The following MEGF10 variants were observed in gnomAD, a reference collection of about 807,000 sequenced individuals.
MEGF10 encodes the protein multiple epidermal growth factor-like domains protein 10.
MEGF10 carries 86 observed loss-of-function variants against 147.5 expected under a neutral mutation model. The ratio of observed to expected loss-of-function variants is 0.58; its 90% CI spans 0.49 to 0.70. The LOEUF is 0.70. Among genes scored for constraint, MEGF10 ranks in the 30% least tolerant of loss-of-function variants. The pLI, the probability that MEGF10 is intolerant of heterozygous loss-of-function variation, is 0.00. For missense variants in MEGF10, 1,329 were observed against 1,487.3 expected, an observed-to-expected ratio of 0.89 and a Z score of 1.75; for synonymous variants, 478 against 525.5, an observed-to-expected ratio of 0.91 and a Z score of 1.24.
At chr5:127,384,555 TA>T (rs1763364720) in intron 5 of MEGF10, among the ~76,000 whole-genome samples, 2 of 152,156 alleles carry the variant, frequency 1.3e-5, no homozygotes, top group African/African-American at 4.8e-5. Context: ...CAATAGAGAA[TA>T]AATATTTTAC....
intron 1 of MEGF10, among the ~76,000 whole-genome samples, chr5:127,308,560 G>A (rs1261326704): frequency 6.6e-6 from 1 of 152,168 alleles, no homozygotes; most frequent in Non-Finnish European, 1.5e-5. Context: ...CATGTCTTTT[G>A]TAGGGACATG....
chr5:127,434,772 C>T lies in MEGF10; in HGVS notation c.1926C>T (p.Thr642=), dbSNP rs142667981. 49 of 1,613,834 alleles carry T rather than the reference C, an allele frequency of 3.0e-5. No homozygotes were observed. The African/African-American group carries it at 3.5e-4, about 11-fold the overall frequency. ...GCAGCGGGCCCTGCCACCACATCAC[C>T]GGCCTGTGTGACTGCTTGCCTGGCT... The part of the protein sequence containing the change: ...VHSSGPCHHI[T]GLCDCLPGFT... Residue 642 remains threonine, a synonymous_variant, in exon 15 of 25, where the codon ACC becomes ACT. Transcript: ENST00000503335.
intron 17 of MEGF10, among the ~76,000 whole-genome samples, chr5:127,439,856 A>G (rs1765692068): frequency 6.6e-6 from 1 of 152,240 alleles, no homozygotes; most frequent in Non-Finnish European, 1.5e-5. Flanking sequence ...ATTAAACAAG[A>G]GAACGCATGA....
At chr5:127,240,258 CT>C in the MEGF10 span, among the ~76,000 whole-genome samples, 1 of 152,104 alleles carries the variant, frequency 6.6e-6, no homozygotes, top group Non-Finnish European at 1.5e-5. Context: ...TTATGAAATC[CT>C]TCCCTGGTCT....
At position 127,304,124 on chromosome 5, in the gene MEGF10, A is replaced by G. The variant is rs375954218; in HGVS notation, c.-19+13068A>G. Reference sequence around the variant, plus strand: ...CTTAATATGCTGTATGATTTTGGACATTGAACTTGTTGAATTAATTAGCAT... The same window carrying G: ...CTTAATATGCTGTATGATTTTGGACGTTGAACTTGTTGAATTAATTAGCAT... On this transcript the variant is annotated intron_variant, in intron 1 of 24. Coordinates refer to ENST00000503335, the MANE Select transcript of MEGF10 (RefSeq NM_001256545.2). 6.6e-5 allele frequency among the ~76,000 whole-genome samples: 10 copies of G among 152,338 alleles called. 1 individual carries two copies. Among genetic ancestry groups the G allele is most frequent in the Admixed American group, 4.6e-4 (7 of 15,304 alleles).
chr5:127,290,407 C>T (rs144701115), upstream of MEGF10, among the ~76,000 whole-genome samples: 1,995 of 152,324 alleles, frequency 0.013, 44 homozygotes, highest in African/African-American at 0.045. Flanking sequence ...CACCGTCCCA[C>T]AAATCCTTAC....
At chr5:127,309,429 A>T (rs1051769926) in intron 1 of MEGF10, among the ~76,000 whole-genome samples, 11 of 152,166 alleles carry the variant, frequency 7.2e-5, no homozygotes, top group Non-Finnish European at 1.3e-4. Flanking sequence ...TGTACCCATT[A>T]AATAGCAGCT....
chr5:127,280,274 C>T, the MEGF10 span, among the ~76,000 whole-genome samples: 2 of 152,234 alleles, frequency 1.3e-5, no homozygotes, highest in East Asian at 1.9e-4. Flanking sequence ...AGTAATTCTG[C>T]GTGATGATTC....
intron 13 of MEGF10, among the ~76,000 whole-genome samples, chr5:127,427,792 A>G (rs920129503): frequency 1.3e-5 from 2 of 152,314 alleles, no homozygotes; most frequent in African/African-American, 2.4e-5. Flanking sequence ...CCAGTGACAT[A>G]TAAGTGCAAA....
chr5:127,378,284 G>A (rs1763107975), intron 5 of MEGF10, among the ~76,000 whole-genome samples: 1 of 152,148 alleles, frequency 6.6e-6, no homozygotes, highest in Admixed American at 6.5e-5. Context: ...ATTCGCCAGT[G>A]CTGTGCATGG....
At chr5:127,349,949 G>A (rs1170498878) in intron 4 of MEGF10, among the ~76,000 whole-genome samples, 1 of 151,862 alleles carries the variant, frequency 6.6e-6, no homozygotes, top group East Asian at 1.9e-4. Context: ...AATATTTTTG[G>A]CCTAAGTACC....
rs200086613 is a variant in MEGF10, at chr5:127,294,799, A to AAATAATAATAAT, written c.-19+3770_-19+3781dup. On this transcript the variant is annotated intron_variant, in intron 1 of 24. Coordinates refer to ENST00000503335, the MANE Select transcript of MEGF10 (RefSeq NM_001256545.2). ...GGGTGACAGAGTGAGACTCTGTCTC[A>AAATAATAATAAT]AATAATAATAATAATAATAATAATA... Among the ~76,000 whole-genome samples, 539 of 108,054 alleles carry AAATAATAATAAT rather than the reference A, an allele frequency of 5.0e-3. 2 individuals are homozygous for AAATAATAATAAT. The highest frequency in any genetic ancestry group is 0.024 in the East Asian group (96 of 3,972). 70.9% of individuals were successfully genotyped at this position (108,054 alleles called of 152,430 possible).
chr5:127,265,625 T>G, the MEGF10 span, among the ~76,000 whole-genome samples: 3 of 152,038 alleles, frequency 2.0e-5, no homozygotes, highest in Admixed American at 6.6e-5. Context: ...ACTGGTGTGG[T>G]ATGGTATCTC....
At chr5:127,427,927 G>T (rs1206649484) in intron 13 of MEGF10, among the ~76,000 whole-genome samples, 1 of 152,144 alleles carries the variant, frequency 6.6e-6, no homozygotes, top group Non-Finnish European at 1.5e-5. Context: ...GAGTGTGTCT[G>T]CAGGTTCATA....
intron 4 of MEGF10, among the ~76,000 whole-genome samples, chr5:127,357,198 T>C (rs952796406): frequency 1.9e-4 from 29 of 152,202 alleles, no homozygotes; most frequent in African/African-American, 5.3e-4. Flanking sequence ...TGCTATGGCA[T>C]GGAGGAGATG....
At chr5:127,428,733 G>T (rs1052201455) in intron 13 of MEGF10, among the ~76,000 whole-genome samples, 5 of 152,098 alleles carry the variant, frequency 3.3e-5, no homozygotes, top group African/African-American at 1.2e-4. Context: ...TCCAAATATT[G>T]GAATACTGGC....
intron 5 of MEGF10, among the ~76,000 whole-genome samples, chr5:127,381,646 G>T (rs73346906): frequency 0.076 from 11,553 of 152,178 alleles, 716 homozygotes; most frequent in African/African-American, 0.17. Flanking sequence ...ATTTTATTGT[G>T]TTTTGTTGTT....
upstream of MEGF10, among the ~76,000 whole-genome samples, chr5:127,286,793 G>GATCC (rs544682520): frequency 1.2e-4 from 18 of 151,982 alleles, no homozygotes; most frequent in South Asian, 3.7e-3. Context: ...ACTAAAGCCT[G>GATCC]ATCCTTTGAA....
chr5:127,457,217 C>G lies in MEGF10; in HGVS notation c.3322C>G (p.Pro1108Ala), dbSNP rs199899433. The change falls in exon 25 of 25, where the codon CCT becomes GCT. Residue 1108 changes from proline (P) to alanine (A), a missense_variant. By Grantham distance (27) the Pro-to-Ala change is conservative. Transcript: ENST00000503335. ...PYDLPKNSHI[P>A]CHYDLLPVRD... ...TGACCTCCCAAAGAACAGTCACATCCCTTGTCATTATGACCTGCTGCCAGT... is the reference window on the plus strand; with the variant it reads ...TGACCTCCCAAAGAACAGTCACATCGCTTGTCATTATGACCTGCTGCCAGT... 2 of 1,614,142 alleles carry G rather than the reference C, an allele frequency of 1.2e-6. No individual in the cohort carries two copies. Among genetic ancestry groups the G allele is most frequent in the East Asian group, 4.5e-5 (2 of 44,882 alleles).
Sources: gnomAD v4.1 joint callset for allele counts (sites outside exome capture counted in the v4.1 genomes callset) on GRCh38, gnomAD v4.1.1 for gene constraint, MANE v1.5 for transcripts, NCBI Gene and HGNC (gene_info 2026-07-23, HGNC 2026-07-21) for gene names.